The following CACNA1D variants were observed in gnomAD, a reference collection of about 807,000 sequenced individuals.
CACNA1D encodes voltage-dependent L-type calcium channel subunit alpha-1D.
Under a neutral mutation model 257.1 loss-of-function variants are expected in CACNA1D, and 55 were observed. That is an observed-to-expected ratio of 0.21 (90% CI 0.17 to 0.27). The LOEUF (loss-of-function observed/expected upper bound fraction) is 0.27. CACNA1D is among the 10% of genes least tolerant of loss of function. CACNA1D has a pLI of 1.00. For synonymous variants in CACNA1D, 980 were observed against 1,014.9 expected, an observed-to-expected ratio of 0.97 and a Z score of 0.65; for missense variants, 1,876 against 2,784.0, an observed-to-expected ratio of 0.67 and a Z score of 7.34.
At chr3:53,585,588 C>A (rs567262264) in intron 3 of CACNA1D, among the ~76,000 whole-genome samples, 1 of 152,154 alleles carries the variant, frequency 6.6e-6, no homozygotes, top group South Asian at 2.1e-4. Flanking sequence ...GAATTGAACA[C>A]CTGATTCAAG....
intron 3 of CACNA1D, among the ~76,000 whole-genome samples, chr3:53,533,338 G>C (rs572980440): frequency 1.9e-4 from 29 of 152,218 alleles, no homozygotes; most frequent in African/African-American, 6.7e-4. Flanking sequence ...TAAAAATCGC[G>C]TATGTGGGAG....
At chr3:53,713,691 C>T (rs2094788114) in intron 9 of CACNA1D, among the ~76,000 whole-genome samples, 1 of 152,204 alleles carries the variant, frequency 6.6e-6, no homozygotes, top group African/African-American at 2.4e-5. Context: ...CCCTGGTTTA[C>T]TGTGTGTGGC....
intron 3 of CACNA1D, among the ~76,000 whole-genome samples, chr3:53,580,209 T>C (rs1365361705): frequency 1.3e-5 from 2 of 152,214 alleles, no homozygotes; most frequent in East Asian, 3.8e-4. Flanking sequence ...GAATACATGA[T>C]GTCCTATATG....
intron 8 of CACNA1D, among the ~76,000 whole-genome samples, chr3:53,693,145 C>T (rs1396190438): frequency 2.0e-5 from 3 of 152,138 alleles, no homozygotes; most frequent in Admixed American, 6.5e-5. Flanking sequence ...TTTTGCCCAC[C>T]AGCGGTTCCC....
chr3:53,625,479 G>A (rs1303742389), intron 3 of CACNA1D, among the ~76,000 whole-genome samples: 3 of 152,174 alleles, frequency 2.0e-5, no homozygotes, highest in African/African-American at 4.8e-5. Context: ...ACTCTCAGCT[G>A]TGTGGTTGCT....
At chr3:53,572,752 C>A (rs1309500255) in intron 3 of CACNA1D, among the ~76,000 whole-genome samples, 1 of 152,168 alleles carries the variant, frequency 6.6e-6, no homozygotes, top group Non-Finnish European at 1.5e-5. Flanking sequence ...TCTGCTACCA[C>A]CTCCCTGATC....
intron 15 of CACNA1D, among the ~76,000 whole-genome samples, chr3:53,727,234 G>A (rs1367997384): frequency 6.6e-6 from 1 of 152,236 alleles, no homozygotes; most frequent in Admixed American, 6.5e-5. Context: ...AGCAAGCCCA[G>A]GGAAGGAGCG....
At chr3:53,560,260 TTTG>T (rs1045395880) in intron 3 of CACNA1D, among the ~76,000 whole-genome samples, 4 of 152,120 alleles carry the variant, frequency 2.6e-5, no homozygotes, top group Non-Finnish European at 5.9e-5. Context: ...TCTCAATCTA[TTTG>T]TTGTTATTTA....
chr3:53,602,781 A>G (rs1202296173), intron 3 of CACNA1D, among the ~76,000 whole-genome samples: 2 of 152,150 alleles, frequency 1.3e-5, no homozygotes, highest in Non-Finnish European at 2.9e-5. Flanking sequence ...TCTTTTGCCC[A>G]TTTTTTAAAT....
chr3:53,534,255 C>G (rs979628668), intron 3 of CACNA1D, among the ~76,000 whole-genome samples: 3 of 152,188 alleles, frequency 2.0e-5, no homozygotes, highest in African/African-American at 7.2e-5. Flanking sequence ...CCTCGCCTCC[C>G]TGCCCCTCTC....
chr3:53,616,091 C>T (rs2093633328), intron 3 of CACNA1D, among the ~76,000 whole-genome samples: 4 of 152,152 alleles, frequency 2.6e-5, no homozygotes, highest in African/African-American at 7.2e-5. Flanking sequence ...CCTTCTAAAG[C>T]ATTCTTGCTC....
At chr3:53,746,649 A>AG (rs1487478216) in intron 25 of CACNA1D, among the ~76,000 whole-genome samples, 7 of 152,192 alleles carry the variant, frequency 4.6e-5, no homozygotes, top group Admixed American at 2.0e-4. Context: ...GCACCTCCAG[A>AG]GGCACCGTTC....
At chr3:53,713,539 T>A (rs534549341) in intron 9 of CACNA1D, among the ~76,000 whole-genome samples, 1 of 136,352 alleles carries the variant, frequency 7.3e-6, no homozygotes, top group African/African-American at 3.3e-5. Flanking sequence ...TGTGTGTGTG[T>A]GTGTGAGAGA....
intron 3 of CACNA1D, among the ~76,000 whole-genome samples, chr3:53,631,060 C>T (rs1172793339): frequency 3.9e-5 from 6 of 152,266 alleles, no homozygotes; most frequent in African/African-American, 7.2e-5. Context: ...GGCTGCTGAC[C>T]GATCACAGTA....
At chr3:53,803,234 C>CCACA (rs916222450) in intron 43 of CACNA1D, among the ~76,000 whole-genome samples, 189 bp from the exon 44 acceptor site, 1 of 152,180 alleles carries the variant, frequency 6.6e-6, no homozygotes, top group Non-Finnish European at 1.5e-5. Flanking sequence ...CGCAGGCACA[C>CCACA]CACACACACA....
At chr3:53,498,183 T>C (rs1387596443) in intron 2 of CACNA1D, among the ~76,000 whole-genome samples, 5 of 152,216 alleles carry the variant, frequency 3.3e-5, no homozygotes, top group African/African-American at 1.2e-4. Flanking sequence ...TGGGCCCTTA[T>C]GAGTTATAGA....
At chr3:53,684,656 GCAAA>G (rs2094459819) in intron 8 of CACNA1D, among the ~76,000 whole-genome samples, 1 of 146,002 alleles carries the variant, frequency 6.8e-6, no homozygotes, top group Non-Finnish European at 1.5e-5. Context: ...CATCAAAATG[GCAAA>G]CAAAGATAAA....
At chr3:53,497,752 C>T (rs1032078125) in intron 2 of CACNA1D, among the ~76,000 whole-genome samples, 34 of 152,074 alleles carry the variant, frequency 2.2e-4, no homozygotes, top group African/African-American at 7.2e-4. Flanking sequence ...TGAAACCAAC[C>T]TTTGGTTATT....
intron 4 of CACNA1D, among the ~76,000 whole-genome samples, chr3:53,653,031 A>G (rs1313898866): frequency 6.6e-6 from 1 of 152,188 alleles, no homozygotes; most frequent in Non-Finnish European, 1.5e-5. Flanking sequence ...TGGGTGGATC[A>G]CCTGAGGTCG....
Sources: allele counts gnomAD v4.1 joint callset (sites outside exome capture counted in the v4.1 genomes callset), GRCh38; gene constraint gnomAD v4.1.1; transcripts MANE v1.5; gene names NCBI Gene and HGNC (gene_info 2026-07-23, HGNC 2026-07-21).